The following PREX1 variants were observed in gnomAD, a reference collection of about 807,000 sequenced individuals.
PREX1 encodes phosphatidylinositol-3,4,5-trisphosphate dependent Rac exchange factor 1.
PREX1 carries 41 observed loss-of-function variants against 198.3 expected under a neutral mutation model. The observed-to-expected ratio is 0.21, with a 90% CI of 0.16 to 0.27. The LOEUF (loss-of-function observed/expected upper bound fraction) is 0.27. Among genes scored for constraint, PREX1 ranks in the 10% least tolerant of loss-of-function variants. PREX1 has a pLI of 1.00. For synonymous variants in PREX1, 843 were observed against 887.2 expected, an observed-to-expected ratio of 0.95 and a Z score of 0.89; for missense variants, 1,620 against 2,200.7, an observed-to-expected ratio of 0.74 and a Z score of 5.28.
chr20:48,706,389 C>T (rs2089902792), intron 6 of PREX1, among the ~76,000 whole-genome samples: 1 of 152,220 alleles, frequency 6.6e-6, no homozygotes, highest in South Asian at 2.1e-4. Context: ...TTGCTCTTTT[C>T]ACCTTGGCTT....
At chr20:48,777,799 G>C (rs1241700804) in intron 1 of PREX1, among the ~76,000 whole-genome samples, 1 of 152,174 alleles carries the variant, frequency 6.6e-6, no homozygotes, top group Non-Finnish European at 1.5e-5. Context: ...CAAGAACTAA[G>C]AACAATGCCA....
chr20:48,794,989 T>G (rs1317427254), intron 1 of PREX1, among the ~76,000 whole-genome samples: 1 of 152,218 alleles, frequency 6.6e-6, no homozygotes, highest in Non-Finnish European at 1.5e-5. Context: ...TGTCAACTAT[T>G]ATTGCAAAAT....
At chr20:48,640,452 A>G (rs2089400638) in intron 29 of PREX1, among the ~76,000 whole-genome samples, 1 of 152,232 alleles carries the variant, frequency 6.6e-6, no homozygotes, top group African/African-American at 2.4e-5. Flanking sequence ...TCCTCCTGCA[A>G]GGTCCCAGTT....
chr20:48,788,131 C>T (rs928639594), intron 1 of PREX1, among the ~76,000 whole-genome samples: 2 of 152,080 alleles, frequency 1.3e-5, no homozygotes, highest in Admixed American at 6.5e-5. Flanking sequence ...TTTAAAAGGC[C>T]CGTGGGAAGT....
Position 48,657,102 on chromosome 20 carries a change from G to C in PREX1, c.2061C>G (p.Ile687Met). Residue 687 changes from isoleucine (I) to methionine (M), a missense_variant, in exon 18 of 40, where the codon ATC becomes ATG. Ile to Met is a conservative substitution (Grantham distance 10). This residue lies in a region of PREX1 where 514 missense variants were observed against 611.6 expected (regional missense o/e 0.84). Transcript: ENST00000371941. ...FLRPFSEVES[I>M]LNQSFCSRRP... ...GGCGGGAGCAGAAGGACTGGTTGAG[G>C]ATGGACTCCACCTCTGAAAACGGCC... 6.2e-7 allele frequency: 1 copy of C among 1,611,252 alleles called. No homozygotes were observed. The highest frequency in any genetic ancestry group is 1.7e-5 in the Admixed American group (1 of 59,670).
At chr20:48,654,720 A>T (rs2089529142) in intron 19 of PREX1, among the ~76,000 whole-genome samples, 1 of 152,212 alleles carries the variant, frequency 6.6e-6, no homozygotes, top group Admixed American at 6.5e-5. Flanking sequence ...ACAAGTGAAA[A>T]ATTTATGTTT....
At chr20:48,865,703 A>G in the PREX1 span, among the ~76,000 whole-genome samples, 1 of 152,166 alleles carries the variant, frequency 6.6e-6, no homozygotes, top group South Asian at 2.1e-4. Flanking sequence ...CAGTTTCCTT[A>G]ACTGTAAAAT....
rs745546650 is a variant in PREX1, at chr20:48,632,287, G to A, written c.4516C>T (p.Arg1506Cys). The change falls in exon 35 of 40, where the codon CGC (arginine) becomes TGC (cysteine). Residue 1506 changes from arginine to cysteine, a missense_variant. Arg to Cys is a radical substitution (Grantham distance 180, BLOSUM62 -3). Coordinates refer to ENST00000371941, the MANE Select transcript of PREX1 (RefSeq NM_020820.4). ...ACCCCAGGCGGATACCTGAGTTTGCGGTAATACTGCTGAACTTTCTCCAGG... is the reference window on the plus strand; with the variant it reads ...ACCCCAGGCGGATACCTGAGTTTGCAGTAATACTGCTGAACTTTCTCCAGG... The part of the protein sequence containing the change: ...QSLEKVQQYY[R>C]KLRAFYLERS... The A allele has an allele frequency of 8.1e-6, 13 of 1,614,060 alleles. No individual in the cohort carries two copies. Among genetic ancestry groups the A allele is most frequent in the South Asian group, 1.1e-5 (1 of 91,082 alleles).
intron 30 of PREX1, 61 bp downstream of exon 30, chr20:48,639,705 G>C: frequency 1.9e-6 from 3 of 1,589,560 alleles, no homozygotes; most frequent in South Asian, 2.3e-5. Flanking sequence ...GATTCTCTCA[G>C]GTTCCACACC....
At chr20:48,868,909 C>T in the PREX1 span, among the ~76,000 whole-genome samples, 2 of 151,686 alleles carry the variant, frequency 1.3e-5, no homozygotes, top group African/African-American at 4.8e-5. Flanking sequence ...CAGAGTTTTG[C>T]GCTATCACCC....
rs1386018612 is a variant in PREX1 at position 48,629,641 on chromosome 20, T to G, written c.4594-20A>C. ...GATCAGCTGTAGGGGGTACCACACATAACCGGGGAGTTGGAGGAGGTCCTC... is the reference window on the plus strand; with the variant it reads ...GATCAGCTGTAGGGGGTACCACACAGAACCGGGGAGTTGGAGGAGGTCCTC... On this transcript the variant is annotated intron_variant, in intron 36 of 39. Transcript: ENST00000371941. 2 of 1,610,044 alleles carry G rather than the reference T, an allele frequency of 1.2e-6. No individual in the cohort carries two copies. The highest frequency in any genetic ancestry group is 1.7e-5 in the Admixed American group (1 of 59,904).
the PREX1 span, among the ~76,000 whole-genome samples, chr20:48,834,476 G>C: frequency 2.6e-5 from 4 of 152,018 alleles, no homozygotes; most frequent in African/African-American, 9.7e-5. Flanking sequence ...CTCTGTAGCC[G>C]GCAGAAACAC....
At chr20:48,822,533 T>C (rs2090490606) in intron 1 of PREX1, among the ~76,000 whole-genome samples, 1 of 152,238 alleles carries the variant, frequency 6.6e-6, no homozygotes, top group Non-Finnish European at 1.5e-5. Flanking sequence ...CTTGCAAGTA[T>C]ATAAATATTA....
chr20:48,812,938 G>C (rs564392370), intron 1 of PREX1, among the ~76,000 whole-genome samples: 1 of 152,376 alleles, frequency 6.6e-6, no homozygotes, highest in Non-Finnish European at 1.5e-5. Context: ...TATACCCAAA[G>C]ATGAAACAGC....
intron 6 of PREX1, among the ~76,000 whole-genome samples, chr20:48,706,501 T>C (rs2089903317): frequency 6.6e-6 from 1 of 152,172 alleles, no homozygotes; most frequent in Non-Finnish European, 1.5e-5. Flanking sequence ...GCCAATGCAA[T>C]GAAAGGGGAC....
At chr20:48,796,924 A>G (rs1256497597) in intron 1 of PREX1, among the ~76,000 whole-genome samples, 1 of 152,106 alleles carries the variant, frequency 6.6e-6, no homozygotes, top group East Asian at 1.9e-4. Flanking sequence ...GATACAAATC[A>G]GAACAGTGGT....
chr20:48,674,718 T>C (rs1168282856), intron 14 of PREX1, among the ~76,000 whole-genome samples: 3 of 152,160 alleles, frequency 2.0e-5, no homozygotes, highest in African/African-American at 7.2e-5. Context: ...TGCTGGGGCC[T>C]TATCCAGAGT....
intron 7 of PREX1, among the ~76,000 whole-genome samples, chr20:48,695,966 G>A (rs1430183155): frequency 6.6e-6 from 1 of 152,234 alleles, no homozygotes; most frequent in African/African-American, 2.4e-5. Context: ...ACAGGGCCAA[G>A]TCTGGCTACA....
the PREX1 span, among the ~76,000 whole-genome samples, chr20:48,868,113 C>A: frequency 6.6e-6 from 1 of 152,130 alleles, no homozygotes; most frequent in Non-Finnish European, 1.5e-5. Context: ...TCTTGAAACA[C>A]TTCTTATACT....
Sources: gnomAD v4.1 joint callset for allele counts (sites outside exome capture counted in the v4.1 genomes callset) on GRCh38, gnomAD v4.1.1 for gene constraint, gnomAD v4.1.1 regional missense constraint, MANE v1.5 for transcripts, NCBI Gene and HGNC (gene_info 2026-07-23, HGNC 2026-07-21) for gene names.